CSMD1: variants seen among roughly 807,000 people sequenced by gnomAD.
The protein encoded by CSMD1 is CUB and Sushi multiple domains 1, also known as CUB and sushi domain-containing protein 1.
Under a neutral mutation model 417.5 loss-of-function variants are expected in CSMD1, and 213 were observed. The ratio of observed to expected loss-of-function variants is 0.51; its 90% confidence interval spans 0.46 to 0.57. The LOEUF (loss-of-function observed/expected upper bound fraction) is 0.57. Among genes scored for constraint, CSMD1 ranks in the 20% least tolerant of loss-of-function variants. The pLI is 0.00. For synonymous variants in CSMD1, 2,862 were observed against 1,736.8 expected, an observed-to-expected ratio of 1.65 and a Z score of -16.11; for missense variants, 6,923 against 4,529.7, an observed-to-expected ratio of 1.53 and a Z score of -15.17.
intron 1 of CSMD1, among the ~76,000 whole-genome samples, chr8:4,904,363 G>A (rs1805097251): frequency 6.6e-6 from 1 of 152,166 alleles, no homozygotes; most frequent in African/African-American, 2.4e-5. Context: ...CATGCAAGAA[G>A]GTTGGGTTTT....
intron 1 of CSMD1, among the ~76,000 whole-genome samples, chr8:4,904,636 G>A (rs1430968692): frequency 6.6e-6 from 1 of 152,092 alleles, no homozygotes; most frequent in African/African-American, 2.4e-5. Context: ...AACCATCCAA[G>A]TCAACCAGAA....
chr8:3,818,394 C>G (rs1050376933), intron 5 of CSMD1, among the ~76,000 whole-genome samples: 1 of 152,156 alleles, frequency 6.6e-6, no homozygotes, highest in African/African-American at 2.4e-5. Context: ...GGAGGGAAAT[C>G]TGAGTTTCAG....
At chr8:4,747,226 C>A (rs990222343) in intron 1 of CSMD1, among the ~76,000 whole-genome samples, 2 of 152,190 alleles carry the variant, frequency 1.3e-5, no homozygotes, top group African/African-American at 4.8e-5. Context: ...CAGTAATGAA[C>A]ACAGCATTTT....
chr8:4,025,631 C>T (rs1797022158), intron 4 of CSMD1, among the ~76,000 whole-genome samples: 1 of 151,984 alleles, frequency 6.6e-6, no homozygotes, highest in Non-Finnish European at 1.5e-5. Context: ...CAATAATATA[C>T]AATGAATAAG....
chr8:4,062,749 G>T lies in CSMD1; in HGVS notation c.416-30650C>A, dbSNP rs6990745. Among the ~76,000 whole-genome samples, 468 of 150,926 alleles carry T rather than the reference G, an allele frequency of 3.1e-3. 5 individuals are homozygous for T. Among genetic ancestry groups the T allele is most frequent in the African/African-American group, 0.011 (447 of 41,138 alleles). Reference sequence around the variant, plus strand: ...TTATCAAATTCAAAAAAAAAAAAAGGCAGGTTCTGCATGCTCAGTAAAATC... The same window carrying T: ...TTATCAAATTCAAAAAAAAAAAAAGTCAGGTTCTGCATGCTCAGTAAAATC... On this transcript the variant is annotated intron_variant, in intron 3 of 69. Transcript: ENST00000635120.
At chr8:4,442,467 T>C (rs555224015) in intron 2 of CSMD1, among the ~76,000 whole-genome samples, 1 of 152,284 alleles carries the variant, frequency 6.6e-6, no homozygotes, top group African/African-American at 2.4e-5. Context: ...TACATGCTTA[T>C]CTACAAGCAT....
intron 11 of CSMD1, among the ~76,000 whole-genome samples, chr8:3,488,000 G>C (rs115218939): frequency 0.013 from 1,987 of 149,498 alleles, 53 homozygotes; most frequent in African/African-American, 0.046. Flanking sequence ...CTAAAAAAAA[G>C]ACCCTACAAA....
At chr8:3,153,225 G>A (rs1819309888) in intron 39 of CSMD1, among the ~76,000 whole-genome samples, 1 of 152,118 alleles carries the variant, frequency 6.6e-6, no homozygotes, top group African/African-American at 2.4e-5. Context: ...GTTTACAAAT[G>A]CCACGGCAAC....
rs368976610 is a variant in CSMD1, at chr8:4,744,314, G to A, written c.86-106756C>T. On this transcript the variant is annotated intron_variant, in intron 1 of 69. Coordinates refer to ENST00000635120, the MANE Select transcript of CSMD1 (RefSeq NM_033225.6). ...TTCCCTTCTTCCATTTTGCTTTCCTGAGTTCTACTGATGTGTGTGCTGTGC... is the reference window on the plus strand; with the variant it reads ...TTCCCTTCTTCCATTTTGCTTTCCTAAGTTCTACTGATGTGTGTGCTGTGC... 7.9e-5 allele frequency among the ~76,000 whole-genome samples: 12 copies of A among 152,204 alleles called. No homozygotes were observed. The East Asian group carries it at 1.2e-3, about 15-fold the overall frequency.
intron 1 of CSMD1, among the ~76,000 whole-genome samples, chr8:4,797,282 T>C (rs1473030401): frequency 1.3e-5 from 2 of 152,184 alleles, no homozygotes; most frequent in African/African-American, 4.8e-5. Context: ...TTGAAAACTA[T>C]GTTTTAAAAC....
At position 3,337,455 on chromosome 8, in the gene CSMD1, T is replaced by C. The variant is rs531949983; in HGVS notation, c.3631+5839A>G. Among the ~76,000 whole-genome samples, 18 of 152,320 alleles carry C rather than the reference T, an allele frequency of 1.2e-4. No individual in the cohort carries two copies. The South Asian group carries it at 3.7e-3, about 32-fold the overall frequency. On this transcript the variant is annotated intron_variant, in intron 23 of 69. Transcript: ENST00000635120. ...CTACAACCAAAATTTAAGCTTGCGT[T>C]TATTTTGATGGCTTCAAAGATCTCT...
At chr8:3,506,374 G>C (rs553883617) in intron 10 of CSMD1, among the ~76,000 whole-genome samples, 224 of 152,286 alleles carry the variant, frequency 1.5e-3, no homozygotes, top group Non-Finnish European at 2.6e-3. Context: ...AAGAACACTG[G>C]AGGTAGGGGA....
intron 1 of CSMD1, among the ~76,000 whole-genome samples, chr8:4,818,490 G>C (rs541421719): frequency 2.9e-4 from 44 of 152,076 alleles, no homozygotes; most frequent in South Asian, 1.9e-3. Context: ...TTTTGATTTA[G>C]TTTAGCATAC....
chr8:4,699,882 T>A (rs1173414636), intron 1 of CSMD1, among the ~76,000 whole-genome samples: 1 of 152,204 alleles, frequency 6.6e-6, no homozygotes, highest in Non-Finnish European at 1.5e-5. Flanking sequence ...GACAAAGTTT[T>A]TCAGATATAA....
At chr8:3,814,752 G>A (rs1212698784) in intron 5 of CSMD1, among the ~76,000 whole-genome samples, 2 of 152,138 alleles carry the variant, frequency 1.3e-5, no homozygotes, top group Admixed American at 6.5e-5. Context: ...TCCACAACTT[G>A]CATTTCCAAT....
intron 1 of CSMD1, among the ~76,000 whole-genome samples, chr8:4,761,947 C>G (rs1167813163): frequency 6.8e-6 from 1 of 146,826 alleles, no homozygotes; most frequent in Admixed American, 6.9e-5. Flanking sequence ...ATCTATCTAT[C>G]TATCTATCTA....
chr8:3,271,897 G>C (rs1801886335), intron 26 of CSMD1, among the ~76,000 whole-genome samples: 1 of 152,006 alleles, frequency 6.6e-6, no homozygotes, highest in Admixed American at 6.6e-5. Flanking sequence ...TCACTCTGAT[G>C]GTAGTTTCTT....
intron 49 of CSMD1, among the ~76,000 whole-genome samples, chr8:3,062,375 G>C (rs1812645616): frequency 6.6e-6 from 1 of 152,130 alleles, no homozygotes; most frequent in Non-Finnish European, 1.5e-5. Flanking sequence ...TCTTTACTAT[G>C]TGTAGGTGGT....
At chr8:3,516,686 G>A (rs1294541695) in intron 10 of CSMD1, among the ~76,000 whole-genome samples, 2 of 152,014 alleles carry the variant, frequency 1.3e-5, no homozygotes, top group Admixed American at 1.3e-4. Flanking sequence ...GTGGTATTTG[G>A]TTACATGAGA....
Sources: gnomAD v4.1 joint callset for allele counts (sites outside exome capture counted in the v4.1 genomes callset) on GRCh38, gnomAD v4.1.1 for gene constraint, MANE v1.5 for transcripts, NCBI Gene and HGNC (gene_info 2026-07-23, HGNC 2026-07-21) for gene names.